Variants in CCBE1 observed in about 807,000 individuals in gnomAD.
CCBE1 encodes the protein collagen and calcium-binding EGF domain-containing protein 1.
In CCBE1, 37 loss-of-function variants were observed where a neutral mutation model predicts 50.0. That is an observed-to-expected ratio of 0.74 (90% CI 0.57 to 0.97). CCBE1 has a LOEUF of 0.97. Among genes scored for constraint, CCBE1 ranks in the 50% least tolerant of loss-of-function variants. The pLI is 0.00. For synonymous variants in CCBE1, 234 were observed against 203.7 expected, an observed-to-expected ratio of 1.15 and a Z score of -1.27; for missense variants, 538 against 523.8, an observed-to-expected ratio of 1.03 and a Z score of -0.26.
chr18:59,652,083 T>G (rs1345814337), intron 2 of CCBE1, among the ~76,000 whole-genome samples: 2 of 152,244 alleles, frequency 1.3e-5, no homozygotes, highest in Non-Finnish European at 2.9e-5. Context: ...AAATTTTTGT[T>G]TAGCTCCTAA....
intron 2 of CCBE1, among the ~76,000 whole-genome samples, chr18:59,525,290 C>A (rs1333957414): frequency 1.3e-5 from 2 of 152,208 alleles, no homozygotes; most frequent in Non-Finnish European, 2.9e-5. Context: ...GAAATGGTAT[C>A]TCATTGCGGT....
At chr18:59,678,815 G>C (rs1185744517) in intron 2 of CCBE1, among the ~76,000 whole-genome samples, 1 of 152,172 alleles carries the variant, frequency 6.6e-6, no homozygotes, top group East Asian at 1.9e-4. Flanking sequence ...TTACAGGCAT[G>C]AACCACTGCA....
Position 59,636,525 on chromosome 18 carries a change from A to G in CCBE1, c.212+60104T>C, listed in dbSNP as rs534290206. On this transcript the variant is annotated intron_variant, in intron 2 of 10. Coordinates refer to ENST00000439986, the MANE Select transcript of CCBE1 (RefSeq NM_133459.4). ...AATTCACACATAAAGATCCAAGGACAAGGACTTACAGTCAAAAGTCACAAA... is the reference window on the plus strand; with the variant it reads ...AATTCACACATAAAGATCCAAGGACGAGGACTTACAGTCAAAAGTCACAAA... Among the ~76,000 whole-genome samples, 3 of 152,374 alleles carry G rather than the reference A, an allele frequency of 2.0e-5. No homozygotes were observed. In the South Asian group the frequency reaches 6.2e-4, roughly 32 times the overall value.
intron 2 of CCBE1, among the ~76,000 whole-genome samples, chr18:59,487,908 A>C (rs1218002241): frequency 6.6e-6 from 1 of 152,260 alleles, no homozygotes; most frequent in African/African-American, 2.4e-5. Flanking sequence ...TGGTCATAGC[A>C]GCATTATTCA....
rs562066466 is a variant in CCBE1, at chr18:59,548,960, G to A, written c.213-68722C>T. Among the ~76,000 whole-genome samples, 7 of 151,902 alleles carry A rather than the reference G, an allele frequency of 4.6e-5. No individual in the cohort carries two copies. The South Asian group carries it at 6.3e-4, about 14-fold the overall frequency. Reference sequence around the variant, plus strand: ...TGTATTAAAAATACAAAAATTAGCCGGGCATGGTGGCGCATTCCTGAAACC... The same window carrying A: ...TGTATTAAAAATACAAAAATTAGCCAGGCATGGTGGCGCATTCCTGAAACC... On this transcript the variant is annotated intron_variant, in intron 2 of 10. Coordinates refer to ENST00000439986, the MANE Select transcript of CCBE1 (RefSeq NM_133459.4).
At chr18:59,550,071 T>C (rs990710441) in intron 2 of CCBE1, among the ~76,000 whole-genome samples, 1 of 152,234 alleles carries the variant, frequency 6.6e-6, no homozygotes. Flanking sequence ...CAATCCGGTT[T>C]GCTTTGTTTA....
Position 59,638,067 on chromosome 18 carries a change from A to G in CCBE1, c.212+58562T>C, listed in dbSNP as rs149893616. 5.5e-3 allele frequency among the ~76,000 whole-genome samples: 842 copies of G among 152,328 alleles called. 12 individuals carry two copies. Among genetic ancestry groups the G allele is most frequent in the African/African-American group, 0.019 (789 of 41,568 alleles). On this transcript the variant is annotated intron_variant, in intron 2 of 10. Transcript: ENST00000439986. Reference sequence around the variant, plus strand: ...AGGAGAATTTTAGGAACATAGATATAAAATATCGGAAAACTGTTTCTCACC... The same window carrying G: ...AGGAGAATTTTAGGAACATAGATATGAAATATCGGAAAACTGTTTCTCACC...
At chr18:59,514,676 T>C (rs1481214766) in intron 2 of CCBE1, among the ~76,000 whole-genome samples, 1 of 146,572 alleles carries the variant, frequency 6.8e-6, no homozygotes, top group East Asian at 2.1e-4. Context: ...GCTACAATTC[T>C]AATCTAAGCG....
chr18:59,653,694 A>G (rs923143824), intron 2 of CCBE1, among the ~76,000 whole-genome samples: 4 of 152,236 alleles, frequency 2.6e-5, no homozygotes, highest in Admixed American at 2.6e-4. Context: ...GTTAAAAAAA[A>G]TTAAAAAATT....
At chr18:59,446,365 G>A (rs955979055) in intron 7 of CCBE1, among the ~76,000 whole-genome samples, 1 of 152,202 alleles carries the variant, frequency 6.6e-6, no homozygotes, top group Non-Finnish European at 1.5e-5. Context: ...CTTAGAGGAG[G>A]GTGGAGAGCA....
chr18:59,688,542 T>C (rs576609957), intron 2 of CCBE1: 1 of 152,290 alleles, frequency 6.6e-6, no homozygotes, highest in South Asian at 2.1e-4. Context: ...TGCAAATCAA[T>C]GAGGTAAGGT....
intron 2 of CCBE1, among the ~76,000 whole-genome samples, chr18:59,650,920 G>A (rs1234760717): frequency 6.6e-6 from 1 of 151,896 alleles, no homozygotes; most frequent in Non-Finnish European, 1.5e-5. Flanking sequence ...CAGGGAAAAT[G>A]GAGAGGAACA....
intron 2 of CCBE1, among the ~76,000 whole-genome samples, chr18:59,636,139 CGAGA>C (rs2053913244): frequency 6.6e-6 from 1 of 151,594 alleles, no homozygotes; most frequent in Non-Finnish European, 1.5e-5. Flanking sequence ...GGCGACAGAG[CGAGA>C]CTCTGTCTCT....
intron 2 of CCBE1, among the ~76,000 whole-genome samples, chr18:59,670,803 A>G (rs573267788): frequency 6.6e-6 from 1 of 151,934 alleles, no homozygotes; most frequent in Non-Finnish European, 1.5e-5. Context: ...CAAAAATTAG[A>G]TGGGTGTGGT....
At chr18:59,547,088 A>AGAGGGAGGTAGG (rs1568199291) in intron 2 of CCBE1, among the ~76,000 whole-genome samples, 7 of 116,446 alleles carry the variant, frequency 6.0e-5, no homozygotes, top group East Asian at 2.6e-4. Flanking sequence ...AGAAAGGGAG[A>AGAGGGAGGTAGG]GAGAGGGAGG....
intron 2 of CCBE1, among the ~76,000 whole-genome samples, chr18:59,605,182 T>C (rs1430626801): frequency 6.6e-6 from 1 of 151,994 alleles, no homozygotes; most frequent in African/African-American, 2.4e-5. Flanking sequence ...CAGGGAGAAA[T>C]GGAGAAGGAA....
At chr18:59,463,203 C>T (rs1911575802) in intron 5 of CCBE1, among the ~76,000 whole-genome samples, 2 of 152,236 alleles carry the variant, frequency 1.3e-5, no homozygotes, top group African/African-American at 2.4e-5. Flanking sequence ...GCCCCCAGCC[C>T]TTTCTGGGCC....
chr18:59,518,344 C>A (rs1465635019), intron 2 of CCBE1, among the ~76,000 whole-genome samples: 1 of 152,118 alleles, frequency 6.6e-6, no homozygotes, highest in Non-Finnish European at 1.5e-5. Context: ...CAAAAATTAG[C>A]CGGGTGTGAC....
intron 5 of CCBE1, chr18:59,465,727 T>C (rs1598923874): frequency 6.6e-6 from 1 of 152,256 alleles, no homozygotes; most frequent in African/African-American, 2.4e-5. Flanking sequence ...CCCTAGACCA[T>C]ATTTTGAGTA....
Sources: allele counts gnomAD v4.1 joint callset (sites outside exome capture counted in the v4.1 genomes callset), GRCh38; gene constraint gnomAD v4.1.1; transcripts MANE v1.5; gene names NCBI Gene and HGNC (gene_info 2026-07-23, HGNC 2026-07-21).